IL1RAPL1: variants seen among roughly 807,000 people sequenced by gnomAD.
IL1RAPL1 encodes interleukin-1 receptor accessory protein-like 1.
A neutral mutation model predicts 48.4 loss-of-function variants in IL1RAPL1; 3 were observed. The ratio of observed to expected loss-of-function variants is 0.06; its 90% CI spans 0.03 to 0.16. The LOEUF is 0.16. IL1RAPL1 is among the 10% of genes least tolerant of loss of function. IL1RAPL1 has a pLI of 1.00. For missense variants in IL1RAPL1, 349 were observed against 530.6 expected (o/e 0.66, Z 3.36); for synonymous variants, 185 against 187.7 (o/e 0.99, Z 0.12).
chrX:29,562,111 ATCTAATCTATCTATCTATCT>A (rs1401884157), intron 5 of IL1RAPL1, among the ~76,000 whole-genome samples: 3 of 60,721 alleles, frequency 4.9e-5, no homozygotes, highest in Admixed American at 1.6e-4. Context: ...CTATCTATCT[ATCTAATCTATCTATCTATCT>A]ATCTATCTAT....
Position 29,097,633 on chromosome X carries a change from C to A in IL1RAPL1, c.83-185305C>A, listed in dbSNP as rs1928243424. On this transcript the variant is annotated intron_variant, in intron 2 of 10. Transcript: ENST00000378993. ...CTTCTAGTAGTTAAGACCAGTGACA[C>A]CCATTTCTTCCTTGATGGTCTATAT... Among the ~76,000 whole-genome samples, 5 of 111,521 alleles carry A rather than the reference C, an allele frequency of 4.5e-5. No homozygotes were observed. In the South Asian group the frequency reaches 1.9e-3, roughly 42 times the overall value.
At chrX:29,465,487 G>A (rs768830613) in intron 5 of IL1RAPL1, among the ~76,000 whole-genome samples, 1 of 111,888 alleles carries the variant, frequency 8.9e-6, no homozygotes, top group East Asian at 2.8e-4. Context: ...TTCAGTGCGT[G>A]TCATGAGAAT....
rs191001414 is a variant in IL1RAPL1, at chrX:29,174,863, A to G, written c.83-108075A>G. Among the ~76,000 whole-genome samples the G allele has an allele frequency of 1.5e-3, 162 of 111,222 alleles. 1 individual carries two copies. The highest frequency in any genetic ancestry group is 5.1e-3 in the African/African-American group (155 of 30,596). ...GCCAAGGTGGGTGGATCACGAGGTC[A>G]GGGGATCGACACCATACTGGCTAAC... On this transcript the variant is annotated intron_variant, in intron 2 of 10. Coordinates refer to ENST00000378993, the MANE Select transcript of IL1RAPL1 (RefSeq NM_014271.4).
chrX:29,774,201 G>A (rs1260845158), intron 6 of IL1RAPL1, among the ~76,000 whole-genome samples: 1 of 101,419 alleles, frequency 9.9e-6, no homozygotes, highest in African/African-American at 3.6e-5. Flanking sequence ...ACTAAAAATT[G>A]TTATTTTTTT....
chrX:29,906,503 ATATATATATATATATAT>A (rs1569199691), intron 6 of IL1RAPL1, among the ~76,000 whole-genome samples: 6 of 40,261 alleles, frequency 1.5e-4, no homozygotes, highest in Non-Finnish European at 2.6e-4. Flanking sequence ...ATATATATAT[ATATATATATATATATAT>A]ATTTCTGTAG....
intron 2 of IL1RAPL1, among the ~76,000 whole-genome samples, chrX:29,064,169 G>T (rs775011654): frequency 8.9e-6 from 1 of 112,156 alleles, no homozygotes; most frequent in African/African-American, 3.2e-5. Flanking sequence ...TGCCAGTCAG[G>T]ATTGATCCAT....
At chrX:29,548,603 A>T (rs1921705735) in intron 5 of IL1RAPL1, among the ~76,000 whole-genome samples, 1 of 112,109 alleles carries the variant, frequency 8.9e-6, no homozygotes, top group Non-Finnish European at 1.9e-5. Context: ...TATGAAATAT[A>T]TTTATCAGCA....
At chrX:28,703,546 C>A (rs768988800) in intron 1 of IL1RAPL1, among the ~76,000 whole-genome samples, 1 of 111,158 alleles carries the variant, frequency 9.0e-6, no homozygotes, top group Admixed American at 9.6e-5. Flanking sequence ...CAGTTATTTT[C>A]TCAAGTCCCC....
chrX:29,704,389 C>G (rs912945424), intron 6 of IL1RAPL1, among the ~76,000 whole-genome samples: 2 of 111,770 alleles, frequency 1.8e-5, no homozygotes, highest in Non-Finnish European at 3.8e-5. Flanking sequence ...AAACCTATGG[C>G]AGGGTGCGGT....
At position 29,955,511 on chromosome X, in the gene IL1RAPL1, G is replaced by A. The variant is rs746891199; in HGVS notation, c.1782G>A (p.Ala594=). 1.3e-5 allele frequency: 16 copies of A among 1,208,254 alleles called. No individual in the cohort carries two copies. The highest frequency in any genetic ancestry group is 1.8e-5 in the South Asian group (1 of 56,566). ...LQTVSAISMA[A]ATSTALATAH... ...CTGTCTCGGCCATTTCCATGGCCGC[G>A]GCCACCTCCACAGCTCTAGCCACTG... The change falls in exon 11 of 11, where the codon GCG becomes GCA. Residue 594 remains alanine (A), a synonymous_variant. Transcript: ENST00000378993.
intron 5 of IL1RAPL1, among the ~76,000 whole-genome samples, chrX:29,410,272 C>G (rs1934126430): frequency 9.1e-6 from 1 of 109,847 alleles, no homozygotes; most frequent in African/African-American, 3.3e-5. Flanking sequence ...ACCATCCTGG[C>G]CAATGTGGTG....
At chrX:28,762,823 C>CACACACACACACAGAG (rs1268556014) in intron 1 of IL1RAPL1, among the ~76,000 whole-genome samples, 7 of 36,788 alleles carry the variant, frequency 1.9e-4, no homozygotes, top group African/African-American at 5.3e-4. Flanking sequence ...CACACACACA[C>CACACACACACACAGAG]AGAGAGAGAG....
intron 2 of IL1RAPL1, among the ~76,000 whole-genome samples, chrX:29,139,126 T>C (rs918442823): frequency 1.5e-4 from 17 of 111,705 alleles, no homozygotes; most frequent in African/African-American, 5.5e-4. Context: ...TGGATTTCCA[T>C]GGTCACTCAT....
At chrX:29,112,412 G>A (rs1173579996) in intron 2 of IL1RAPL1, among the ~76,000 whole-genome samples, 3 of 105,603 alleles carry the variant, frequency 2.8e-5, no homozygotes, top group Non-Finnish European at 5.8e-5. Flanking sequence ...TACATTTTCT[G>A]TTTATCTTTA....
intron 2 of IL1RAPL1, among the ~76,000 whole-genome samples, chrX:28,855,597 A>G (rs956829064): frequency 1.8e-5 from 2 of 111,252 alleles, no homozygotes; most frequent in Non-Finnish European, 3.8e-5. Flanking sequence ...TTTCATTAAT[A>G]TGTTTTCTGA....
chrX:29,573,559 T>C (rs940434635), intron 5 of IL1RAPL1, among the ~76,000 whole-genome samples: 4 of 112,450 alleles, frequency 3.6e-5, no homozygotes, highest in African/African-American at 1.3e-4. Flanking sequence ...AGGCACCTTC[T>C]AGACTGCAGA....
chrX:29,388,733 C>T (rs1933816630), intron 3 of IL1RAPL1, among the ~76,000 whole-genome samples: 2 of 111,753 alleles, frequency 1.8e-5, no homozygotes, highest in African/African-American at 6.5e-5. Flanking sequence ...ATAAGCAGAT[C>T]CATAGAGACA....
intron 2 of IL1RAPL1, among the ~76,000 whole-genome samples, chrX:29,110,021 C>T (rs772970004): frequency 1.8e-5 from 2 of 112,094 alleles, no homozygotes; most frequent in East Asian, 2.8e-4. Context: ...CCTCAAGGCA[C>T]TTATCTTATA....
chrX:29,822,135 GT>G (rs1362881880), intron 6 of IL1RAPL1, among the ~76,000 whole-genome samples: 9 of 108,086 alleles, frequency 8.3e-5, no homozygotes, highest in Middle Eastern at 4.9e-3. Flanking sequence ...ACTTAATCTA[GT>G]TTTTTTTTTA....
Sources: allele counts gnomAD v4.1 joint callset (sites outside exome capture counted in the v4.1 genomes callset), GRCh38; gene constraint gnomAD v4.1.1; transcripts MANE v1.5; gene names NCBI Gene and HGNC (gene_info 2026-07-23, HGNC 2026-07-21).